Variants in USP36 observed in about 807,000 individuals in gnomAD.
The protein encoded by USP36 is ubiquitin carboxyl-terminal hydrolase 36.
A neutral mutation model predicts 111.5 loss-of-function variants in USP36; 59 were observed. That is an observed-to-expected ratio of 0.53 (90% CI 0.43 to 0.66). The LOEUF is 0.66. USP36 is among the 30% of genes least tolerant of loss of function. The pLI is 0.00. For synonymous variants in USP36, 628 were observed against 581.0 expected (o/e 1.08, Z -1.16); for missense variants, 1,488 against 1,468.0 (o/e 1.01, Z -0.22).
intron 14 of USP36, 109 bp downstream of exon 14, chr17:78,806,850 G>T: frequency 7.0e-7 from 1 of 1,423,056 alleles, no homozygotes; most frequent in Non-Finnish European, 9.6e-7. Flanking sequence ...CCTCTAACAT[G>T]AGGGAGGCCA....
chr17:78,806,241 G>T lies in USP36; in HGVS notation c.2131C>A (p.Pro711Thr), dbSNP rs772675333. 6.2e-7 allele frequency: 1 copy of T among 1,613,732 alleles called. No homozygotes were observed. Among genetic ancestry groups the T allele is most frequent in the Non-Finnish European group, 8.5e-7 (1 of 1,180,022 alleles). Residue 711 changes from proline (P) to threonine (T), a missense_variant, in exon 15 of 21, where the codon CCC (proline) becomes ACC (threonine). Pro to Thr is a conservative substitution (Grantham distance 38, BLOSUM62 -1). Transcript: ENST00000449938. ...RATGNDLRPPPPSPSSDLTHP... is the reference protein window; with the variant it reads ...RATGNDLRPPTPSPSSDLTHP... ...GTGAGGTCGGAGGATGGTGAGGGGG[G>T]AGGTGGACGGAGGTCATTGCCGGTC...
downstream of USP36, among the ~76,000 whole-genome samples, chr17:78,795,167 G>A (rs957234130): frequency 1.3e-5 from 2 of 152,296 alleles, no homozygotes; most frequent in Non-Finnish European, 1.5e-5. This position sits in a 1 kb window ranked among gnomAD's most constrained non-coding sequence, Gnocchi z 4.5. Flanking sequence ...TGGCTGGCAG[G>A]AAGGCCTCTG....
In USP36 at chr17:78,808,582, T is replaced by A. The variant is rs566861999; in HGVS notation, c.1408-946A>T. ...CCTGTCTTTGACATTTTACTATATA[T>A]ACTATGTACTACTGATACACATTAA... On this transcript the variant is annotated intron_variant, in intron 13 of 20. Coordinates refer to ENST00000449938, the MANE Select transcript of USP36 (RefSeq NM_001385174.1). 2.7e-3 allele frequency among the ~76,000 whole-genome samples: 415 copies of A among 152,308 alleles called. 1 individual carries two copies. The highest frequency in any genetic ancestry group is 4.1e-3 in the Non-Finnish European group (282 of 68,026).
intron 4 of USP36, among the ~76,000 whole-genome samples, chr17:78,834,570 C>T (rs2068469491): frequency 6.6e-6 from 1 of 151,976 alleles, no homozygotes; most frequent in African/African-American, 2.4e-5. Flanking sequence ...CTTCAGCCTC[C>T]CGAGCAGCTG....
intron 6 of USP36, chr17:78,827,003 A>T (rs2067605880): frequency 1.5e-6 from 1 of 655,042 alleles, no homozygotes; most frequent in Non-Finnish European, 2.8e-6. Flanking sequence ...CAGCCACCCG[A>T]TCCTACCAAG....
Position 78,803,489 on chromosome 17 carries a change from T to C in USP36, c.2706A>G (p.Gly902=), listed in dbSNP as rs1478085123. ...TQPQVNGQQV[G]CVTDGHHASS... ...TCGCGTGGTGGCCGTCCGTAACACA[T>C]CCCACCTGCTGGCCATTCACCTGTG... Residue 902 remains glycine, a synonymous_variant, in exon 16 of 21, where the codon GGA becomes GGG. Coordinates refer to ENST00000449938, the MANE Select transcript of USP36 (RefSeq NM_001385174.1). The surrounding 1 kb of genome is among the most constrained non-coding windows in gnomAD (Gnocchi z 4.6). 1 of 1,614,036 alleles carries C rather than the reference T, an allele frequency of 6.2e-7. No homozygotes were observed. Among genetic ancestry groups the C allele is most frequent in the Non-Finnish European group, 8.5e-7 (1 of 1,180,036 alleles).
At chr17:78,840,116 G>A (rs7215525) in intron 1 of USP36, among the ~76,000 whole-genome samples, 3,664 of 152,000 alleles carry the variant, frequency 0.024, 151 homozygotes, top group African/African-American at 0.083. Context: ...CGGACACAGC[G>A]ACCCGAGCAC....
chr17:78,833,273 C>T (rs1441583087), intron 4 of USP36, among the ~76,000 whole-genome samples: 1 of 152,112 alleles, frequency 6.6e-6, no homozygotes, highest in Non-Finnish European at 1.5e-5. Context: ...GCATGGCCAT[C>T]TTGTGTTCTT....
intron 2 of USP36, among the ~76,000 whole-genome samples, chr17:78,837,778 C>G (rs1296685200): frequency 6.6e-6 from 1 of 152,218 alleles, no homozygotes; most frequent in Admixed American, 6.5e-5. Context: ...AGCCTGCCCT[C>G]AGAGAATCAA....
upstream of USP36, chr17:78,841,017 A>T (rs1228422943): frequency 1.3e-5 from 2 of 152,264 alleles, no homozygotes; most frequent in East Asian, 3.9e-4. Context: ...CTACGTGATG[A>T]CGCAAGTGCG....
chr17:78,835,815 C>T (rs2145652077), intron 3 of USP36, among the ~76,000 whole-genome samples: 1 of 152,282 alleles, frequency 6.6e-6, no homozygotes, highest in South Asian at 2.1e-4. Context: ...CACATGCAGC[C>T]CACCCCATTT....
Position 78,827,332 on chromosome 17 carries a change from A to G in USP36, c.602T>C (p.Phe201Ser), listed in dbSNP as rs933293989. ...IRDLKKIARH[F>S]RFGNQEDAHE... ...CGCGTCCTCCTGGTTCCCAAAGCGG[A>G]AGTGTCGGGCGATCTCTAAAAGAGG... is the stretch of plus-strand genomic sequence containing the variant. The change falls in exon 6 of 21, where the codon TTC becomes TCC. Residue 201 changes from phenylalanine to serine, a missense_variant. By Grantham distance (155) the Phe-to-Ser change is radical. Around this residue, in one of 3 missense-constraint regions of USP36, gnomAD observed 196 missense variants for 264.4 expected, o/e 0.74. Transcript: ENST00000449938. 10 of 1,612,542 alleles carry G rather than the reference A, an allele frequency of 6.2e-6. No individual in the cohort carries two copies. The highest frequency in any genetic ancestry group is 5.9e-6 in the Non-Finnish European group (7 of 1,178,878).
chr17:78,829,474 C>G (rs1368608827), intron 4 of USP36, among the ~76,000 whole-genome samples: 1 of 152,212 alleles, frequency 6.6e-6, no homozygotes, highest in Non-Finnish European at 1.5e-5. Flanking sequence ...GTCTGTTCCA[C>G]TGGTTCTAGT....
chr17:78,814,629 C>A, intron 10 of USP36, 77 bp from the exon 11 acceptor site: 2 of 1,536,718 alleles, frequency 1.3e-6, no homozygotes, highest in Non-Finnish European at 1.8e-6. Context: ...CCATCCACAA[C>A]CACACAAAAT....
intron 5 of USP36, 47 bp from the exon 6 acceptor site, chr17:78,827,394 A>G: frequency 6.4e-7 from 1 of 1,560,292 alleles, no homozygotes; most frequent in Non-Finnish European, 8.7e-7. Context: ...TCTTCTCATC[A>G]AACGGCCTGC....
chr17:78,817,207 T>C (rs1170529063), intron 10 of USP36, among the ~76,000 whole-genome samples: 2 of 152,232 alleles, frequency 1.3e-5, no homozygotes. Flanking sequence ...GCTGGCTCCG[T>C]CATCTACGTC....
downstream of USP36, chr17:78,791,934 C>T (rs185995304): frequency 1.3e-4 from 20 of 152,276 alleles, no homozygotes; most frequent in African/African-American, 4.6e-4. Flanking sequence ...AGTAGAGATC[C>T]TGACAGAGGG....
intron 6 of USP36, among the ~76,000 whole-genome samples, chr17:78,824,605 C>T (rs1395712208): frequency 6.6e-6 from 1 of 152,064 alleles, no homozygotes; most frequent in Non-Finnish European, 1.5e-5. Flanking sequence ...TTCCTAATAT[C>T]CAAAGAAATT....
chr17:78,799,038 C>T lies in USP36; in HGVS notation c.3125-15G>A, dbSNP rs771843113. 16 of 1,612,898 alleles carry T rather than the reference C, an allele frequency of 9.9e-6. No homozygotes were observed. The highest frequency in any genetic ancestry group is 3.3e-5 in the Admixed American group (2 of 60,014). On this transcript the variant is annotated splice_polypyrimidine_tract_variant and intron_variant, in intron 18 of 20. Coordinates refer to ENST00000449938, the MANE Select transcript of USP36 (RefSeq NM_001385174.1). ...CCAGGTCAGAACTACCAGGCAGACA[C>T]GGGGGTCAGCACGAGTGCAGGTTCC...
Sources: gnomAD v4.1 joint callset for allele counts (sites outside exome capture counted in the v4.1 genomes callset) on GRCh38, gnomAD v4.1.1 for gene constraint, gnomAD v4.1.1 regional missense constraint, Gnocchi (gnomAD v3.1) non-coding constraint, MANE v1.5 for transcripts, NCBI Gene and HGNC (gene_info 2026-07-23, HGNC 2026-07-21) for gene names.